PAK5: variants seen among roughly 807,000 people sequenced by gnomAD.
PAK5 encodes serine/threonine-protein kinase PAK 5.
Under a neutral mutation model 65.9 loss-of-function variants are expected in PAK5, and 16 were observed. That is an observed-to-expected ratio of 0.24 (90% confidence interval 0.16 to 0.37). The LOEUF (loss-of-function observed/expected upper bound fraction) is 0.37, where lower values mean the gene tolerates loss of function less well. Among genes scored for constraint, PAK5 ranks in the 10% least tolerant of loss-of-function variants. The probability of loss-of-function intolerance (pLI) is 1.00; values close to 1 mark genes in which losing one functional copy is unlikely to be tolerated. For missense variants in PAK5, 785 were observed against 903.9 expected, an observed-to-expected ratio of 0.87 and a Z score of 1.69; for synonymous variants, 371 against 354.9, an observed-to-expected ratio of 1.05 and a Z score of -0.51.
At chr20:9,623,737 C>T (rs1157051247) in intron 3 of PAK5, among the ~76,000 whole-genome samples, 1 of 152,130 alleles carries the variant, frequency 6.6e-6, no homozygotes, top group East Asian at 1.9e-4. Flanking sequence ...TCTCGCAAAA[C>T]AACAGGAAAG....
chr20:9,783,337 C>T lies in PAK5; in HGVS notation c.-162+55425G>A, dbSNP rs1415232849. 5.3e-5 allele frequency among the ~76,000 whole-genome samples: 8 copies of T among 152,138 alleles called. No individual in the cohort carries two copies. The South Asian group carries it at 1.0e-3, about 20-fold the overall frequency. On this transcript the variant is annotated intron_variant, in intron 1 of 9. Transcript: ENST00000353224. ...AATGTATCCAACTAAAGTATTGCTG[C>T]GTATCTATCTATTTATCAATCAATC...
chr20:9,731,514 T>G (rs1319172785), intron 1 of PAK5, among the ~76,000 whole-genome samples: 2 of 152,170 alleles, frequency 1.3e-5, no homozygotes, highest in Admixed American at 6.5e-5. Flanking sequence ...GGCATTCAAG[T>G]CTAGAGGAAC....
At chr20:9,803,799 A>T (rs528878169) in intron 1 of PAK5, among the ~76,000 whole-genome samples, 1 of 152,062 alleles carries the variant, frequency 6.6e-6, no homozygotes, top group East Asian at 1.9e-4. Context: ...AGCACTCCTA[A>T]CTCCATGTCT....
intron 1 of PAK5, among the ~76,000 whole-genome samples, chr20:9,837,928 C>G (rs1979278911): frequency 6.6e-6 from 1 of 152,140 alleles, no homozygotes; most frequent in African/African-American, 2.4e-5. Flanking sequence ...TAATTGATAT[C>G]TAATGTTGAC....
At chr20:9,773,390 C>A (rs191046722) in intron 1 of PAK5, among the ~76,000 whole-genome samples, 1 of 151,990 alleles carries the variant, frequency 6.6e-6, no homozygotes, top group Non-Finnish European at 1.5e-5. Flanking sequence ...CCTCCCCCTT[C>A]CCCCGACCCC....
chr20:9,759,554 C>G (rs1193594124), intron 1 of PAK5, among the ~76,000 whole-genome samples: 1 of 152,062 alleles, frequency 6.6e-6, no homozygotes, highest in Non-Finnish European at 1.5e-5. Flanking sequence ...GGTGAGGAGC[C>G]CATGAATTTG....
chr20:9,539,444 C>T lies in PAK5; in HGVS notation c.*18G>A. The T allele has an allele frequency of 6.2e-7, 1 of 1,611,548 alleles. No individual in the cohort carries two copies. Among genetic ancestry groups the T allele is most frequent in the Non-Finnish European group, 8.5e-7 (1 of 1,177,962 alleles). ...CTCATGTCCTCATCTAGCTTTGCCA[C>T]CTACACGAATCCTCTGCTCAGTGAT... is the stretch of plus-strand genomic sequence containing the variant. On this transcript the variant is annotated 3_prime_UTR_variant, in exon 10 of 10. Transcript: ENST00000353224.
chr20:9,715,486 G>C (rs1295075210), intron 1 of PAK5, among the ~76,000 whole-genome samples: 2 of 152,150 alleles, frequency 1.3e-5, no homozygotes, highest in East Asian at 3.9e-4. Context: ...AAGTCAGTGT[G>C]GTGATTCCTC....
chr20:9,631,464 C>T (rs1024154079), intron 3 of PAK5, among the ~76,000 whole-genome samples: 12 of 152,182 alleles, frequency 7.9e-5, no homozygotes, highest in Non-Finnish European at 1.2e-4. Context: ...CAAGCTGTCA[C>T]GCATTCTGCA....
At chr20:9,562,192 T>A (rs1026984093) in intron 6 of PAK5, among the ~76,000 whole-genome samples, 1 of 152,206 alleles carries the variant, frequency 6.6e-6, no homozygotes, top group South Asian at 2.1e-4. Context: ...GCTACATATA[T>A]ATATCTTCTT....
intron 3 of PAK5, among the ~76,000 whole-genome samples, chr20:9,599,441 C>A (rs2046323680): frequency 6.6e-6 from 1 of 152,232 alleles, no homozygotes; most frequent in African/African-American, 2.4e-5. Flanking sequence ...TTTTCCACAG[C>A]AGCTGCACCA....
At chr20:9,821,400 G>A (rs1413860470) in intron 1 of PAK5, among the ~76,000 whole-genome samples, 2 of 151,926 alleles carry the variant, frequency 1.3e-5, no homozygotes, top group Admixed American at 1.3e-4. Context: ...AAAAGATGAT[G>A]AGTTTCTTAA....
At chr20:9,827,112 C>G (rs756382860) in intron 1 of PAK5, among the ~76,000 whole-genome samples, 5 of 152,022 alleles carry the variant, frequency 3.3e-5, no homozygotes, top group Non-Finnish European at 5.9e-5. Context: ...CTTTTTTATT[C>G]ACAGAAAATA....
chr20:9,767,526 G>C (rs960082387), intron 1 of PAK5, among the ~76,000 whole-genome samples: 2 of 152,174 alleles, frequency 1.3e-5, no homozygotes, highest in Non-Finnish European at 2.9e-5. Flanking sequence ...CTCTGTAAGA[G>C]TAGAGACCTT....
At chr20:9,705,998 G>T (rs774373243) in intron 2 of PAK5, among the ~76,000 whole-genome samples, 3 of 152,178 alleles carry the variant, frequency 2.0e-5, no homozygotes, top group Non-Finnish European at 4.4e-5. Context: ...TACAATGAAA[G>T]TGGCTAGGGA....
chr20:9,727,462 G>C lies in PAK5; in HGVS notation c.-161-16027C>G, dbSNP rs555089350. On this transcript the variant is annotated intron_variant, in intron 1 of 9. Transcript: ENST00000353224. ...TAAATATCTTGAGGGTGACATTTAA[G>C]ATTATGCAAACATCCTGCTCTCTAC... Among the ~76,000 whole-genome samples, 14 of 152,212 alleles carry C rather than the reference G, an allele frequency of 9.2e-5. No individual in the cohort carries two copies. The South Asian group carries it at 2.7e-3, about 29-fold the overall frequency.
chr20:9,671,149 C>T (rs2047491116), intron 2 of PAK5, among the ~76,000 whole-genome samples: 2 of 152,108 alleles, frequency 1.3e-5, no homozygotes, highest in African/African-American at 4.8e-5. Context: ...GTTTTGGTAC[C>T]AGTAGCATGC....
intron 2 of PAK5, among the ~76,000 whole-genome samples, chr20:9,688,715 A>C (rs59465876): frequency 0.044 from 6,769 of 152,124 alleles, 484 homozygotes; most frequent in African/African-American, 0.15. Context: ...GGGCACTCCA[A>C]CACTTCACCT....
At chr20:9,540,767 C>T (rs1455988501) in intron 9 of PAK5, among the ~76,000 whole-genome samples, 3 of 148,804 alleles carry the variant, frequency 2.0e-5, no homozygotes, top group Non-Finnish European at 3.0e-5. Flanking sequence ...GACGTAGTCT[C>T]GCTGTGTCAC....
Sources: allele counts gnomAD v4.1 joint callset (sites outside exome capture counted in the v4.1 genomes callset), GRCh38; gene constraint gnomAD v4.1.1; transcripts MANE v1.5; gene names NCBI Gene and HGNC (gene_info 2026-07-23, HGNC 2026-07-21).